Variants in CHRNB4 observed in about 807,000 individuals in gnomAD.
CHRNB4 encodes the protein cholinergic receptor nicotinic beta 4 subunit.
A neutral mutation model predicts 40.4 loss-of-function variants in CHRNB4; 23 were observed. The ratio of observed to expected loss-of-function variants is 0.57; its 90% confidence interval spans 0.41 to 0.81. The LOEUF (loss-of-function observed/expected upper bound fraction) is 0.81. Ranked by LOEUF, CHRNB4 falls within the 30% of genes least tolerant of loss-of-function variation. CHRNB4 has a pLI of 0.00. For missense variants in CHRNB4, 568 were observed against 670.6 expected (o/e 0.85, Z 1.69); for synonymous variants, 285 against 274.4 (o/e 1.04, Z -0.38).
chr15:78,653,593 T>A (rs1320648000), intron 5 of CHRNB4, among the ~76,000 whole-genome samples: 4 of 152,226 alleles, frequency 2.6e-5, no homozygotes, highest in Non-Finnish European at 4.4e-5. Flanking sequence ...ACCTCCTAGC[T>A]GCAAGAATGC....
At chr15:78,637,058 A>T (rs1011571409) in intron 1 of CHRNB4, among the ~76,000 whole-genome samples, 6 of 152,150 alleles carry the variant, frequency 3.9e-5, no homozygotes, top group African/African-American at 1.4e-4. Flanking sequence ...TCCCTCTGAG[A>T]CACCAAATGG....
At chr15:78,638,472 G>A (rs572165797) in intron 1 of CHRNB4, among the ~76,000 whole-genome samples, 34 of 152,372 alleles carry the variant, frequency 2.2e-4, no homozygotes, top group African/African-American at 7.0e-4. Flanking sequence ...GCCTCTTTCC[G>A]ACAGAGGTCT....
At chr15:78,630,639 A>C (rs1372327095) in intron 4 of CHRNB4, among the ~76,000 whole-genome samples, 1 of 152,188 alleles carries the variant, frequency 6.6e-6, no homozygotes, top group Non-Finnish European at 1.5e-5. Flanking sequence ...CAGACCACAC[A>C]CTTTGAGCCA....
chr15:78,626,373 TGTGTGTGTGTG>T lies in CHRNB4; in HGVS notation c.1339-1093_1339-1083del, dbSNP rs769757049. ...GTGTGTGTGTGTGTGTGTGTGTGTG[TGTGTGTGTGTG>T]TTTCCCCCTTTTAATATTTTTGTGC... On this transcript the variant is annotated intron_variant, in intron 5 of 5. Coordinates refer to ENST00000261751, the MANE Select transcript of CHRNB4 (RefSeq NM_000750.5). The T allele has an allele frequency of 4.3e-3, 628 of 145,844 alleles. 7 individuals are homozygous for T. The highest frequency in any genetic ancestry group is 0.012 in the South Asian group (54 of 4,558). The allele number at this position is 145,844 out of a possible 1,614,324, so 9.0% of individuals were successfully genotyped here. A position where few individuals can be genotyped will look rare whatever the true frequency, so the allele number is the denominator to read the frequency against.
Position 78,625,183 on chromosome 15 carries a change from A to G in CHRNB4, c.1447T>C (p.Phe483Leu), listed in dbSNP as rs375094551. 2.5e-6 allele frequency: 4 copies of G among 1,612,226 alleles called. No individual in the cohort carries two copies. In the South Asian group the frequency reaches 3.3e-5, roughly 13 times the overall value. The change falls in exon 6 of 6, where the codon TTC becomes CTC. Residue 483 changes from phenylalanine (F) to leucine (L), a missense_variant. Coordinates refer to ENST00000261751, the MANE Select transcript of CHRNB4 (RefSeq NM_000750.5). ...GTVGLFLPPL[F>L]QTHAASEGPY... ...CCCTCAGAAGCTGCATGGGTCTGGA[A>G]GAGGGGCGGTAGGAAGAGCCCCACA...
intron 2 of CHRNB4, among the ~76,000 whole-genome samples, chr15:78,631,611 C>T (rs1461385602): frequency 6.6e-6 from 1 of 152,236 alleles, no homozygotes; most frequent in African/African-American, 2.4e-5. Flanking sequence ...GTCTCTGACA[C>T]TTTGCTCTCT....
rs1469414873 is a variant in CHRNB4 at position 78,631,236 on chromosome 15, G to T, written c.250-51C>A. 4.3e-6 allele frequency: 7 copies of T among 1,612,878 alleles called. No homozygotes were observed. In the South Asian group the frequency reaches 7.7e-5, roughly 18 times the overall value. On this transcript the variant is annotated intron_variant, in intron 3 of 5. Coordinates refer to ENST00000261751, the MANE Select transcript of CHRNB4 (RefSeq NM_000750.5). ...ACTTGCAGGTCCACTGCCACCAAAG[G>T]GCAGCCCTAAAGAAAAGATCTCTGG...
intron 5 of CHRNB4, chr15:78,626,384 G>GTGTGTGTGTGTGTGTGTGTGTGT (rs35851650): frequency 1.2e-5 from 1 of 86,876 alleles, no homozygotes; most frequent in Non-Finnish European, 2.4e-5. Flanking sequence ...GTGTGTGTGT[G>GTGTGTGTGTGTGTGTGTGTGTGT]TTTCCCCCTT....
intron 5 of CHRNB4, among the ~76,000 whole-genome samples, chr15:78,654,318 T>C (rs1278997068): frequency 6.6e-6 from 1 of 152,242 alleles, no homozygotes; most frequent in Admixed American, 6.5e-5. Context: ...GATTTCCTTC[T>C]GTTTCCTTTG....
chr15:78,631,053 C>A, intron 4 of CHRNB4, 23 bp downstream of exon 4: 1 of 1,597,922 alleles, frequency 6.3e-7, no homozygotes. Flanking sequence ...TGTCACCAGG[C>A]CTCCACCAAC....
chr15:78,654,526 C>A (rs1425025416), intron 5 of CHRNB4, among the ~76,000 whole-genome samples: 1 of 152,152 alleles, frequency 6.6e-6, no homozygotes, highest in African/African-American at 2.4e-5. Flanking sequence ...TAACCCTGGG[C>A]AAACTCTTTA....
At chr15:78,661,571 G>GT, upstream of CHRNB4, 1 of 533,946 alleles carries the variant, frequency 1.9e-6, no homozygotes, top group Non-Finnish European at 3.7e-6. Context: ...TGCGCGGAAC[G>GT]TTTTTTGGTC....
chr15:78,641,648 CGCT>C (rs2054077461), upstream of CHRNB4, among the ~76,000 whole-genome samples: 2 of 152,194 alleles, frequency 1.3e-5, no homozygotes. Flanking sequence ...CGCGAGGGAG[CGCT>C]GCTCTCTGCA....
rs1418727731 is a variant in CHRNB4 at position 78,641,151 on chromosome 15, GGCAGCCGCCGCGA to G, written c.-31_-19del. On this transcript the variant is annotated 5_prime_UTR_variant, in exon 1 of 6. Transcript: ENST00000261751. ...CGCCTCATGGCCGGCGGGGCCGGGTGGCAGCCGCCGCGAGCTCCGCTGTGGGGTCACAGGGCAC... is the reference window on the plus strand; with the variant it reads ...CGCCTCATGGCCGGCGGGGCCGGGTGGCTCCGCTGTGGGGTCACAGGGCAC... The G allele has an allele frequency of 6.5e-6, 10 of 1,543,292 alleles. No individual in the cohort carries two copies. Among genetic ancestry groups the G allele is most frequent in the African/African-American group, 1.4e-5 (1 of 71,884 alleles).
chr15:78,632,225 C>T (rs1305028313), intron 2 of CHRNB4, among the ~76,000 whole-genome samples: 68 of 87,068 alleles, frequency 7.8e-4, no homozygotes, highest in African/African-American at 5.0e-3. Flanking sequence ...CTTTCTCTCT[C>T]TCTCTCTCTC....
Position 78,629,047 on chromosome 15 carries a change from A to G in CHRNB4, c.1258T>C (p.Phe420Leu), listed in dbSNP as rs1262124018. 1 of 1,613,934 alleles carries G rather than the reference A, an allele frequency of 6.2e-7. No individual in the cohort carries two copies. The highest frequency in any genetic ancestry group is 1.1e-5 in the South Asian group (1 of 91,070). ...RDFWLRSSGRFRQDVQEALEG... is the reference protein window; with the variant it reads ...RDFWLRSSGRLRQDVQEALEG... Reference sequence around the variant, plus strand: ...AATGCCTCCTGCACATCCTGTCGGAACCTCCCAGAGGACCGCAGCCAGAAA... The same window carrying G: ...AATGCCTCCTGCACATCCTGTCGGAGCCTCCCAGAGGACCGCAGCCAGAAA... The change falls in exon 5 of 6, where the codon TTC (phenylalanine) becomes CTC (leucine). Residue 420 changes from phenylalanine to leucine, a missense_variant. Physicochemically the swap from Phe to Leu is conservative, Grantham distance 22. Around this residue, in one of 4 missense-constraint regions of CHRNB4, gnomAD observed 242 missense variants for 274.9 expected, o/e 0.88. Coordinates refer to ENST00000261751, the MANE Select transcript of CHRNB4 (RefSeq NM_000750.5). This position sits in a 1 kb window ranked among gnomAD's most constrained non-coding sequence, Gnocchi z 6.8.
chr15:78,641,978 G>T (rs2054082490), upstream of CHRNB4, among the ~76,000 whole-genome samples: 1 of 152,218 alleles, frequency 6.6e-6, no homozygotes, highest in African/African-American at 2.4e-5. Context: ...AAGGGCCTCT[G>T]GCAGCTTCTC....
At chr15:78,652,689 G>C (rs1404851268) in intron 5 of CHRNB4, 1 of 152,218 alleles carries the variant, frequency 6.6e-6, no homozygotes, top group Non-Finnish European at 1.5e-5. Context: ...TGGTAATGAA[G>C]GTAGTGAGCT....
chr15:78,649,869 C>T (rs1289204944), intron 6 of CHRNB4, among the ~76,000 whole-genome samples: 1 of 151,878 alleles, frequency 6.6e-6, no homozygotes, highest in African/African-American at 2.4e-5. Context: ...TGCTTTAGTT[C>T]ATAAAATGAA....
Sources: gnomAD v4.1 joint callset for allele counts (sites outside exome capture counted in the v4.1 genomes callset) on GRCh38, gnomAD v4.1.1 for gene constraint, gnomAD v4.1.1 regional missense constraint, Gnocchi (gnomAD v3.1) non-coding constraint, MANE v1.5 for transcripts, NCBI Gene and HGNC (gene_info 2026-07-23, HGNC 2026-07-21) for gene names.